Variants in AFF1 observed in about 807,000 individuals in gnomAD.
AFF1 encodes AF4/FMR2 family member 1.
In AFF1, 48 loss-of-function variants were observed where a neutral mutation model predicts 121.7. The ratio of observed to expected loss-of-function variants is 0.39; its 90% CI spans 0.31 to 0.50. The LOEUF (loss-of-function observed/expected upper bound fraction) is 0.50. Among genes scored for constraint, AFF1 ranks in the 20% least tolerant of loss-of-function variants. The pLI is 0.76. For missense variants in AFF1, 1,523 were observed against 1,511.7 expected, an observed-to-expected ratio of 1.01 and a Z score of -0.12; for synonymous variants, 613 against 563.0, an observed-to-expected ratio of 1.09 and a Z score of -1.26.
intron 2 of AFF1, among the ~76,000 whole-genome samples, chr4:87,025,963 C>T (rs1166416676): frequency 6.6e-6 from 1 of 152,102 alleles, no homozygotes; most frequent in Non-Finnish European, 1.5e-5. Flanking sequence ...CTCTACCCCT[C>T]ACCACCATGT....
At chr4:87,073,635 G>A (rs10489045) in intron 4 of AFF1, among the ~76,000 whole-genome samples, 11,802 of 152,174 alleles carry the variant, frequency 0.078, 1,035 homozygotes, top group African/African-American at 0.21. Flanking sequence ...GACAAAGCGT[G>A]GATTAAATAG....
chr4:87,040,701 CT>C (rs1291893462), intron 2 of AFF1, among the ~76,000 whole-genome samples: 1 of 151,780 alleles, frequency 6.6e-6, no homozygotes, highest in Non-Finnish European at 1.5e-5. Context: ...TCCGTAGTAG[CT>C]GGGATTACAG....
chr4:87,108,376 G>C (rs2149752283), intron 11 of AFF1, 61 bp downstream of exon 11: 2 of 1,568,868 alleles, frequency 1.3e-6, no homozygotes, highest in Admixed American at 3.5e-5. Flanking sequence ...TTTGAAGTTA[G>C]AGTCAGTGCT....
intron 2 of AFF1, among the ~76,000 whole-genome samples, chr4:87,003,642 T>G (rs1343488250): frequency 6.6e-6 from 1 of 152,232 alleles, no homozygotes; most frequent in Non-Finnish European, 1.5e-5. Context: ...TTCTAGCCTG[T>G]GCTAAATGGA....
chr4:86,999,276 T>C (rs899106160), intron 2 of AFF1, among the ~76,000 whole-genome samples: 5 of 152,234 alleles, frequency 3.3e-5, no homozygotes, highest in Non-Finnish European at 2.9e-5. Flanking sequence ...TCTCTTTGAA[T>C]TCTGCCTTCT....
Position 87,125,162 on chromosome 4 carries a change from A to T in AFF1, c.2573+19A>T. On this transcript the variant is annotated intron_variant, in intron 13 of 20. Coordinates refer to ENST00000395146, the MANE Select transcript of AFF1 (RefSeq NM_001166693.3). ...AAACAAAGTGAGTATAGAGATTAGC[A>T]ACCACCTAATCTACGGTGATCAACA... The T allele has an allele frequency of 6.3e-7, 1 of 1,577,426 alleles. No homozygotes were observed. The highest frequency in any genetic ancestry group is 8.7e-7 in the Non-Finnish European group (1 of 1,153,596).
intron 9 of AFF1, 49 bp downstream of exon 9, chr4:87,105,731 A>G: frequency 6.2e-7 from 1 of 1,613,666 alleles, no homozygotes; most frequent in Non-Finnish European, 8.5e-7. Context: ...AAATACATCT[A>G]ACAGATCTGA....
intron 1 of AFF1, among the ~76,000 whole-genome samples, chr4:86,943,500 C>T (rs904298560): frequency 6.6e-6 from 1 of 152,196 alleles, no homozygotes; most frequent in African/African-American, 2.4e-5. Flanking sequence ...AGTAATTTTT[C>T]TCATATTCTC....
chr4:87,128,850 A>T (rs1728549893), intron 16 of AFF1, among the ~76,000 whole-genome samples: 1 of 152,198 alleles, frequency 6.6e-6, no homozygotes, highest in African/African-American at 2.4e-5. Context: ...AGATTGTGCC[A>T]AGCAGTGGTT....
Position 87,075,394 on chromosome 4 carries a change from T to TTA in AFF1, c.1060-8716_1060-8715dup, listed in dbSNP as rs548948754. 3.1e-3 allele frequency among the ~76,000 whole-genome samples: 478 copies of TTA among 151,964 alleles called. 3 individuals are homozygous for TTA. The highest frequency in any genetic ancestry group is 0.011 in the African/African-American group (450 of 41,446). On this transcript the variant is annotated intron_variant, in intron 4 of 20. Transcript: ENST00000395146. ...CATATATACACACGTATTCAATATG[T>TTA]TATATATATATCTCCTATCTACACG...
At chr4:87,016,517 A>G (rs897376196) in intron 2 of AFF1, among the ~76,000 whole-genome samples, 26 of 150,728 alleles carry the variant, frequency 1.7e-4, no homozygotes, top group African/African-American at 6.1e-4. Context: ...GCGCCACTGC[A>G]CTCCAGCCTG....
chr4:87,035,608 G>A (rs1729492699), intron 2 of AFF1, among the ~76,000 whole-genome samples: 1 of 152,010 alleles, frequency 6.6e-6, no homozygotes, highest in Non-Finnish European at 1.5e-5. Flanking sequence ...TAGGCACCAG[G>A]GCTCCCAGAA....
chr4:86,983,521 CTG>C lies in AFF1; in HGVS notation c.38+34954_38+34955del, dbSNP rs1405845278. Among the ~76,000 whole-genome samples, 8 of 149,310 alleles carry C rather than the reference CTG, an allele frequency of 5.4e-5. No individual in the cohort carries two copies. In the South Asian group the frequency reaches 1.0e-3, roughly 19 times the overall value. On this transcript the variant is annotated intron_variant, in intron 2 of 20. Transcript: ENST00000395146. The stretch of plus-strand genomic sequence containing the variant: ...TCCATCCTGGGCAACAAGAGCGAGA[CTG>C]TGTCTCAAAAAATAAAAAAATTAAA...
At chr4:87,057,797 A>G (rs938880620) in intron 4 of AFF1, among the ~76,000 whole-genome samples, 2 of 152,198 alleles carry the variant, frequency 1.3e-5, no homozygotes, top group African/African-American at 4.8e-5. Flanking sequence ...AAGTAAACAA[A>G]TGAAAAGCCT....
intron 12 of AFF1, among the ~76,000 whole-genome samples, chr4:87,119,925 T>C (rs1727514460): frequency 6.6e-6 from 1 of 152,196 alleles, no homozygotes; most frequent in Non-Finnish European, 1.5e-5. Context: ...GGTTCAGTCC[T>C]TCCCTTCCAT....
chr4:86,993,174 A>G (rs1289966933), intron 2 of AFF1, among the ~76,000 whole-genome samples: 1 of 152,206 alleles, frequency 6.6e-6, no homozygotes. Context: ...CCATACCTCC[A>G]ATTAGGTTTT....
intron 5 of AFF1, among the ~76,000 whole-genome samples, chr4:87,086,627 A>C (rs1038686215): frequency 2.0e-5 from 3 of 152,108 alleles, no homozygotes; most frequent in Admixed American, 6.6e-5. Flanking sequence ...ACCTCAGTTA[A>C]GTTATAGGTC....
At chr4:86,961,986 G>A (rs1008250986) in intron 2 of AFF1, among the ~76,000 whole-genome samples, 2 of 152,152 alleles carry the variant, frequency 1.3e-5, no homozygotes, top group African/African-American at 4.8e-5. Context: ...GTAGGACAGA[G>A]TATTCAATAA....
At chr4:87,036,889 G>C in intron 2 of AFF1, 1 of 448,888 alleles carries the variant, frequency 2.2e-6, no homozygotes, top group South Asian at 1.6e-5. Flanking sequence ...CTGGAGTGCA[G>C]GGTGTGACCT....
Sources: allele counts gnomAD v4.1 joint callset (sites outside exome capture counted in the v4.1 genomes callset), GRCh38; gene constraint gnomAD v4.1.1; transcripts MANE v1.5; gene names NCBI Gene and HGNC (gene_info 2026-07-23, HGNC 2026-07-21).